IFT57: variants seen among roughly 807,000 people sequenced by gnomAD.
IFT57 encodes the protein intraflagellar transport protein 57 homolog.
IFT57 carries 59 observed loss-of-function variants against 56.8 expected under a neutral mutation model. That is an observed-to-expected ratio of 1.04 (90% CI 0.84 to 1.29). The LOEUF is 1.29. Ranked by LOEUF, IFT57 falls within the 50% of genes most tolerant of loss-of-function variation. The pLI is 0.00. For synonymous variants in IFT57, 209 were observed against 186.1 expected, an observed-to-expected ratio of 1.12 and a Z score of -1.00; for missense variants, 470 against 522.1, an observed-to-expected ratio of 0.90 and a Z score of 0.97.
At chr3:108,205,954 TATAA>T (rs200995796) in intron 5 of IFT57, among the ~76,000 whole-genome samples, 18,750 of 105,962 alleles carry the variant, frequency 0.18, 1,937 homozygotes, top group Non-Finnish European at 0.25. Context: ...GTTTATAATA[TATAA>T]ATATATTATA....
At chr3:108,211,891 A>C (rs753630492) in intron 4 of IFT57, among the ~76,000 whole-genome samples, 90 of 152,244 alleles carry the variant, frequency 5.9e-4, no homozygotes, top group Non-Finnish European at 1.3e-3. Flanking sequence ...TGTTATATCA[A>C]CATAAAATTT....
chr3:108,172,227 C>G (rs2080097472), intron 6 of IFT57, among the ~76,000 whole-genome samples: 1 of 151,768 alleles, frequency 6.6e-6, no homozygotes, highest in Non-Finnish European at 1.5e-5. Flanking sequence ...GCGGAGGAAG[C>G]ATATTCTTGG....
Position 108,206,627 on chromosome 3 carries a change from C to A in IFT57, c.654+1G>T. The A allele has an allele frequency of 7.5e-7, 1 of 1,341,562 alleles. No individual in the cohort carries two copies. The highest frequency in any genetic ancestry group is 9.9e-7 in the Non-Finnish European group (1 of 1,010,180). The allele number at this position is 1,341,562 out of a possible 1,614,324, so 83.1% of individuals were successfully genotyped here. ...TCCTGCATGTATCTGATGAAACTTA[C>A]CAAGTGATATGTCTGGGCCTTTAAA... On this transcript the variant is annotated splice_donor_variant, in intron 5 of 10. Coordinates refer to ENST00000264538, the MANE Select transcript of IFT57 (RefSeq NM_018010.4). LOFTEE classifies it high-confidence loss of function.
chr3:108,198,862 T>C (rs1322967898), intron 5 of IFT57, among the ~76,000 whole-genome samples: 2 of 152,218 alleles, frequency 1.3e-5, no homozygotes, highest in Non-Finnish European at 2.9e-5. Context: ...GCCTATTATC[T>C]CTTTACCATT....
chr3:108,210,330 A>ATATTTTTT, intron 4 of IFT57, among the ~76,000 whole-genome samples: 1 of 105,538 alleles, frequency 9.5e-6, no homozygotes, highest in Non-Finnish European at 2.1e-5. Context: ...GTCAGAAATA[A>ATATTTTTT]TCTTTTTTTT....
chr3:108,166,636 G>C (rs17232794), intron 8 of IFT57, among the ~76,000 whole-genome samples: 13,524 of 152,034 alleles, frequency 0.089, 665 homozygotes, highest in Middle Eastern at 0.12. Context: ...ATCAAATGAA[G>C]ACGTGCATTT....
At chr3:108,206,723 A>G in intron 4 of IFT57, 27 bp from the exon 5 acceptor site, 1 of 756,706 alleles carries the variant, frequency 1.3e-6, no homozygotes, top group Non-Finnish European at 1.9e-6. Context: ...TTAAAAAATT[A>G]TTAAAAATTA....
chr3:108,203,250 C>T (rs1435132202), intron 5 of IFT57, among the ~76,000 whole-genome samples: 10 of 152,218 alleles, frequency 6.6e-5, no homozygotes, highest in Non-Finnish European at 1.2e-4. Flanking sequence ...CTCCCTCTGC[C>T]CAATCCTGCT....
At chr3:108,172,269 T>C (rs140560938) in intron 6 of IFT57, among the ~76,000 whole-genome samples, 48 of 151,802 alleles carry the variant, frequency 3.2e-4, no homozygotes, top group African/African-American at 1.2e-3. Flanking sequence ...GGAAAATACA[T>C]GGAGACCAAG....
intron 2 of IFT57, among the ~76,000 whole-genome samples, chr3:108,218,869 T>TA (rs1444497721): frequency 2.0e-5 from 3 of 152,130 alleles, no homozygotes; most frequent in Admixed American, 1.3e-4. Context: ...AGTATCAAAT[T>TA]AAAAAGCAAT....
intron 5 of IFT57, among the ~76,000 whole-genome samples, chr3:108,193,748 T>C (rs910194227): frequency 5.3e-5 from 8 of 152,058 alleles, no homozygotes; most frequent in Non-Finnish European, 1.0e-4. Flanking sequence ...AGATAATGGG[T>C]CTCTGTGTCA....
intron 4 of IFT57, among the ~76,000 whole-genome samples, chr3:108,211,452 T>G (rs770262083): frequency 2.6e-5 from 4 of 152,246 alleles, no homozygotes; most frequent in Non-Finnish European, 5.9e-5. Flanking sequence ...GTTAATCTTA[T>G]GCCACCCTCC....
chr3:108,218,970 G>A (rs1172699105), intron 2 of IFT57, among the ~76,000 whole-genome samples: 3 of 152,134 alleles, frequency 2.0e-5, no homozygotes, highest in Non-Finnish European at 4.4e-5. Flanking sequence ...AGGACAGAGT[G>A]ATTCACTTGT....
intron 5 of IFT57, among the ~76,000 whole-genome samples, chr3:108,194,083 C>T (rs1042333824): frequency 6.6e-6 from 1 of 152,168 alleles, no homozygotes; most frequent in African/African-American, 2.4e-5. Flanking sequence ...ACAGCATGCC[C>T]TCTCAGCAGC....
At chr3:108,166,621 CT>C (rs2080064764) in intron 8 of IFT57, among the ~76,000 whole-genome samples, 2 of 152,046 alleles carry the variant, frequency 1.3e-5, no homozygotes, top group African/African-American at 4.8e-5. Flanking sequence ...CCTTCATTTA[CT>C]TAAATCAAAT....
chr3:108,188,568 C>T (rs1233175331), intron 6 of IFT57, among the ~76,000 whole-genome samples: 2 of 152,016 alleles, frequency 1.3e-5, no homozygotes, highest in African/African-American at 2.4e-5. Flanking sequence ...ATGAAAAAAA[C>T]CTTTATCTGA....
chr3:108,215,544 G>T (rs548525862), intron 3 of IFT57, among the ~76,000 whole-genome samples: 1 of 152,046 alleles, frequency 6.6e-6, no homozygotes, highest in Non-Finnish European at 1.5e-5. Context: ...TCTTAAAAAC[G>T]AAAACCCATG....
intron 3 of IFT57, among the ~76,000 whole-genome samples, chr3:108,215,323 A>G (rs2080365684): frequency 6.6e-6 from 1 of 152,120 alleles, no homozygotes; most frequent in Non-Finnish European, 1.5e-5. Context: ...GCACTTTGGG[A>G]GGCCAAGGCA....
At chr3:108,211,123 A>G (rs1399275407) in intron 4 of IFT57, among the ~76,000 whole-genome samples, 2 of 152,238 alleles carry the variant, frequency 1.3e-5, no homozygotes, top group Non-Finnish European at 2.9e-5. Flanking sequence ...ACAATAAGAA[A>G]AATTACACAT....
Sources: gnomAD v4.1 joint callset for allele counts (sites outside exome capture counted in the v4.1 genomes callset) on GRCh38, gnomAD v4.1.1 for gene constraint, MANE v1.5 for transcripts, NCBI Gene and HGNC (gene_info 2026-07-23, HGNC 2026-07-21) for gene names.